The following ARL15 variants were observed in gnomAD, a reference collection of about 807,000 sequenced individuals.
The protein encoded by ARL15 is ARF like GTPase 15.
A neutral mutation model predicts 25.2 loss-of-function variants in ARL15; 19 were observed. The ratio of observed to expected loss-of-function variants is 0.75; its 90% CI spans 0.53 to 1.10. The LOEUF is 1.10. ARL15 is among the 50% of genes least tolerant of loss of function. The pLI, the probability that ARL15 is intolerant of heterozygous loss-of-function variation, is 0.00. For missense variants in ARL15, 220 were observed against 246.0 expected, an observed-to-expected ratio of 0.89 and a Z score of 0.71; for synonymous variants, 94 against 86.8, an observed-to-expected ratio of 1.08 and a Z score of -0.46.
intron 1 of ARL15, among the ~76,000 whole-genome samples, chr5:54,253,950 A>G (rs911241995): frequency 6.6e-6 from 1 of 152,198 alleles, no homozygotes; most frequent in African/African-American, 2.4e-5. Context: ...ATTTTCCTAA[A>G]CTAAAAGAAC....
intron 3 of ARL15, among the ~76,000 whole-genome samples, chr5:54,140,811 C>T (rs994892717): frequency 1.3e-5 from 2 of 152,112 alleles, no homozygotes; most frequent in Non-Finnish European, 2.9e-5. Context: ...TTTGAAACTG[C>T]AAAGATTCTT....
At chr5:54,040,968 C>T (rs556491069) in intron 4 of ARL15, among the ~76,000 whole-genome samples, 1 of 152,310 alleles carries the variant, frequency 6.6e-6, no homozygotes, top group East Asian at 1.9e-4. Context: ...ATTGTGATTA[C>T]TGCAACATCC....
At chr5:54,123,602 G>A (rs917604167) in intron 3 of ARL15, among the ~76,000 whole-genome samples, 3 of 152,128 alleles carry the variant, frequency 2.0e-5, no homozygotes, top group African/African-American at 7.2e-5. Context: ...ATGAGTGAAG[G>A]TGGATGAATG....
intron 1 of ARL15, among the ~76,000 whole-genome samples, chr5:54,262,720 A>T (rs1757525121): frequency 6.6e-6 from 1 of 152,244 alleles, no homozygotes; most frequent in Non-Finnish European, 1.5e-5. Flanking sequence ...TCTCATTAAA[A>T]TAAATAATTT....
intron 4 of ARL15, among the ~76,000 whole-genome samples, chr5:54,076,342 A>T (rs918057610): frequency 2.0e-5 from 3 of 151,668 alleles, no homozygotes; most frequent in Admixed American, 2.0e-4. Flanking sequence ...AATGGCGTGA[A>T]CCCAGGAGGC....
intron 1 of ARL15, among the ~76,000 whole-genome samples, chr5:54,213,245 T>A (rs1357183649): frequency 6.6e-6 from 1 of 152,238 alleles, no homozygotes; most frequent in Non-Finnish European, 1.5e-5. Context: ...TTAACTTTTT[T>A]AAAACACTAT....
intron 1 of ARL15, among the ~76,000 whole-genome samples, chr5:54,218,457 T>C (rs985934222): frequency 4.6e-5 from 7 of 152,176 alleles, no homozygotes; most frequent in Non-Finnish European, 1.0e-4. Context: ...TATCCTCTAA[T>C]GACAAAAGCA....
At chr5:53,914,676 G>A (rs1480929425) in intron 4 of ARL15, among the ~76,000 whole-genome samples, 2 of 152,222 alleles carry the variant, frequency 1.3e-5, no homozygotes, top group African/African-American at 2.4e-5. Flanking sequence ...CTGGAGCAAG[G>A]TCTGAAGTGA....
At chr5:54,193,100 T>C (rs879606352) in intron 1 of ARL15, among the ~76,000 whole-genome samples, 4 of 152,300 alleles carry the variant, frequency 2.6e-5, no homozygotes, top group Middle Eastern at 3.4e-3. Flanking sequence ...AAACTTCCTG[T>C]TAAACATCTC....
intron 4 of ARL15, among the ~76,000 whole-genome samples, chr5:53,935,773 A>G (rs982892403): frequency 6.6e-6 from 1 of 152,126 alleles, no homozygotes; most frequent in Admixed American, 6.5e-5. Context: ...TTTTTGTTTG[A>G]GACTCAGTCT....
At chr5:54,008,971 T>G (rs1749140454) in intron 4 of ARL15, among the ~76,000 whole-genome samples, 1 of 152,202 alleles carries the variant, frequency 6.6e-6, no homozygotes, top group Non-Finnish European at 1.5e-5. Flanking sequence ...ACACTAGAAA[T>G]TATTTCTATG....
intron 1 of ARL15, among the ~76,000 whole-genome samples, chr5:54,221,324 C>T (rs1756367983): frequency 1.3e-5 from 2 of 152,148 alleles, no homozygotes; most frequent in African/African-American, 4.8e-5. Context: ...GGGAAGATGT[C>T]CAGGCAAATT....
intron 1 of ARL15, among the ~76,000 whole-genome samples, chr5:54,290,934 A>AT (rs1213036714): frequency 2.6e-5 from 4 of 152,148 alleles, no homozygotes; most frequent in African/African-American, 9.7e-5. Flanking sequence ...TCAAATCTAT[A>AT]TTTAAAGTCC....
At chr5:54,203,505 C>G (rs750850078) in intron 1 of ARL15, among the ~76,000 whole-genome samples, 4 of 152,022 alleles carry the variant, frequency 2.6e-5, no homozygotes, top group Non-Finnish European at 4.4e-5. Context: ...ACAAATTAAA[C>G]AAAAATAATA....
In ARL15 at chr5:53,885,612, T is replaced by C. The variant is rs1744499304; in HGVS notation, c.*949A>G. 1 of 152,666 alleles carries C rather than the reference T, an allele frequency of 6.6e-6. No individual in the cohort carries two copies. Among genetic ancestry groups the C allele is most frequent in the South Asian group, 2.1e-4 (1 of 4,834 alleles). 9.5% of individuals were successfully genotyped at this position (152,666 alleles called of 1,614,324 possible). A position where few individuals can be genotyped will look rare whatever the true frequency, so the allele number is the denominator to read the frequency against. ...ATGAATATATAGATGATTCTGTCTTTGTTATCTTTGTCAAATCCATGCCAT... is the reference window on the plus strand; with the variant it reads ...ATGAATATATAGATGATTCTGTCTTCGTTATCTTTGTCAAATCCATGCCAT... On this transcript the variant is annotated 3_prime_UTR_variant, in exon 5 of 5. Transcript: ENST00000504924.
intron 4 of ARL15, among the ~76,000 whole-genome samples, chr5:53,968,573 A>C (rs1312050413): frequency 6.6e-6 from 1 of 152,166 alleles, no homozygotes; most frequent in African/African-American, 2.4e-5. Flanking sequence ...ATTTACTGTA[A>C]GCTGCTGTGT....
chr5:54,229,959 G>A (rs1006975210), intron 1 of ARL15, among the ~76,000 whole-genome samples: 2 of 152,128 alleles, frequency 1.3e-5, no homozygotes, highest in East Asian at 1.9e-4. Flanking sequence ...GCAGCAATAC[G>A]GGGAGTAAAG....
At chr5:53,942,006 A>T (rs1177125845) in intron 4 of ARL15, among the ~76,000 whole-genome samples, 1 of 152,198 alleles carries the variant, frequency 6.6e-6, no homozygotes, top group African/African-American at 2.4e-5. Context: ...TGTAAAGAGT[A>T]TGGGGCGGGC....
chr5:53,998,757 T>C (rs1338539639), intron 4 of ARL15, among the ~76,000 whole-genome samples: 2 of 152,196 alleles, frequency 1.3e-5, no homozygotes, highest in African/African-American at 4.8e-5. Flanking sequence ...CTGTACTACA[T>C]GCAGCAGTTA....
Sources: allele counts gnomAD v4.1 joint callset (sites outside exome capture counted in the v4.1 genomes callset), GRCh38; gene constraint gnomAD v4.1.1; transcripts MANE v1.5; gene names NCBI Gene and HGNC (gene_info 2026-07-23, HGNC 2026-07-21).